TLN2: variants seen among roughly 807,000 people sequenced by gnomAD.
TLN2 encodes talin 2, also known as talin-2.
TLN2 carries 118 observed loss-of-function variants against 294.7 expected under a neutral mutation model. The observed-to-expected ratio is 0.40, with a 90% confidence interval of 0.34 to 0.47. The LOEUF is 0.47. TLN2 is among the 20% of genes least tolerant of loss of function. The pLI, the probability that TLN2 is intolerant of heterozygous loss-of-function variation, is 0.84. For missense variants in TLN2, 3,083 were observed against 3,282.2 expected, an observed-to-expected ratio of 0.94 and a Z score of 1.48; for synonymous variants, 1,431 against 1,304.5, an observed-to-expected ratio of 1.10 and a Z score of -2.09.
intron 1 of TLN2, among the ~76,000 whole-genome samples, chr15:62,504,999 C>CA (rs2039526666): frequency 1.3e-5 from 2 of 152,178 alleles, no homozygotes; most frequent in African/African-American, 4.8e-5. Flanking sequence ...CTCTGTTCCC[C>CA]AGGCTGGAGT....
chr15:62,765,744 A>T (rs1270240661), intron 40 of TLN2, among the ~76,000 whole-genome samples: 2 of 152,234 alleles, frequency 1.3e-5, no homozygotes, highest in Admixed American at 6.5e-5. Context: ...TCTCTCAAAC[A>T]TGAGAAGAAA....
chr15:62,501,257 T>A (rs2039291467), intron 1 of TLN2, among the ~76,000 whole-genome samples: 1 of 152,186 alleles, frequency 6.6e-6, no homozygotes, highest in South Asian at 2.1e-4. Flanking sequence ...GGGTCATCTT[T>A]TGGCATCAGG....
chr15:62,499,663 A>C (rs966615714), intron 1 of TLN2, among the ~76,000 whole-genome samples: 3 of 152,040 alleles, frequency 2.0e-5, no homozygotes, highest in African/African-American at 7.2e-5. Context: ...GTGCGATGGC[A>C]TGATCTTGGC....
intron 45 of TLN2, among the ~76,000 whole-genome samples, chr15:62,792,054 G>A (rs1214720282): frequency 6.6e-6 from 1 of 152,202 alleles, no homozygotes; most frequent in Non-Finnish European, 1.5e-5. Flanking sequence ...TGGCCTGATA[G>A]GAAGTCTGGG....
rs143499499 is a variant in TLN2, at chr15:62,795,254, G to A, written c.5884-873G>A. The stretch of plus-strand genomic sequence containing the variant: ...GGGCAGGAGTCGTTGCAGGCAGAGC[G>A]CAGACCCAGGGTGGAGAGGTGGGAG... On this transcript the variant is annotated intron_variant, in intron 46 of 58. Transcript: ENST00000636159. Among the ~76,000 whole-genome samples, 1,286 of 152,262 alleles carry A rather than the reference G, an allele frequency of 8.4e-3. 13 individuals carry two copies. The highest frequency in any genetic ancestry group is 0.029 in the African/African-American group (1,202 of 41,532).
intron 3 of TLN2, among the ~76,000 whole-genome samples, chr15:62,630,050 C>T (rs1187494962): frequency 1.3e-5 from 2 of 152,016 alleles, no homozygotes; most frequent in South Asian, 2.1e-4. Context: ...TCAGTTGTGT[C>T]GTGTATATAA....
At chr15:62,710,467 C>T (rs1461510037) in intron 21 of TLN2, among the ~76,000 whole-genome samples, 1 of 152,150 alleles carries the variant, frequency 6.6e-6, no homozygotes, top group Non-Finnish European at 1.5e-5. Context: ...AGGAATGCTT[C>T]ACACATTTGA....
At chr15:62,823,743 C>T (rs1425641750) in intron 54 of TLN2, among the ~76,000 whole-genome samples, 4 of 152,150 alleles carry the variant, frequency 2.6e-5, no homozygotes, top group East Asian at 1.9e-4. Context: ...AGACATGCAC[C>T]GTTGAATCTG....
chr15:62,421,876 C>G (rs887196948), intron 1 of TLN2, among the ~76,000 whole-genome samples: 2 of 151,414 alleles, frequency 1.3e-5, no homozygotes, highest in African/African-American at 4.9e-5. Flanking sequence ...CTGACTTAAG[C>G]AAGAAAAAAA....
intron 1 of TLN2, among the ~76,000 whole-genome samples, chr15:62,567,793 C>T (rs1432189510): frequency 2.0e-5 from 3 of 152,104 alleles, no homozygotes; most frequent in Non-Finnish European, 4.4e-5. Flanking sequence ...GAGCCAAGAT[C>T]ATGCTACTGT....
At chr15:62,764,691 A>G (rs889571441) in intron 40 of TLN2, among the ~76,000 whole-genome samples, 9 of 152,092 alleles carry the variant, frequency 5.9e-5, no homozygotes, top group Non-Finnish European at 1.2e-4. Flanking sequence ...CTGTGGCTCA[A>G]TCCAGTGCTA....
At chr15:62,652,727 T>C (rs894263742) in intron 6 of TLN2, among the ~76,000 whole-genome samples, 12 of 152,158 alleles carry the variant, frequency 7.9e-5, no homozygotes, top group African/African-American at 2.9e-4. Context: ...GAGAATTGAA[T>C]GTGACATAAG....
chr15:62,665,736 T>C (rs1413421849), intron 9 of TLN2, among the ~76,000 whole-genome samples: 1 of 152,246 alleles, frequency 6.6e-6, no homozygotes, highest in Non-Finnish European at 1.5e-5. Flanking sequence ...AAGCAAAGCT[T>C]TTGACCCAGT....
chr15:62,815,352 T>A (rs1328876834), intron 52 of TLN2, among the ~76,000 whole-genome samples: 1 of 152,150 alleles, frequency 6.6e-6, no homozygotes, highest in African/African-American at 2.4e-5. Flanking sequence ...TACCTGTAGA[T>A]CTTAGGGTAG....
At chr15:62,604,556 G>T (rs956084185) in intron 2 of TLN2, among the ~76,000 whole-genome samples, 4 of 150,064 alleles carry the variant, frequency 2.7e-5, no homozygotes, top group Admixed American at 2.7e-4. Flanking sequence ...AGAAAAGGGT[G>T]GGGGGCGATT....
At chr15:62,800,517 A>T (rs1374093316) in intron 49 of TLN2, 24 bp downstream of exon 49, 20 of 1,613,184 alleles carry the variant, frequency 1.2e-5, no homozygotes, top group Non-Finnish European at 1.6e-5. Context: ...CCGACTGGGG[A>T]TGAGCACCTG....
Position 62,635,543 on chromosome 15 carries a change from T to C in TLN2, c.-36-11732T>C, listed in dbSNP as rs182781909. ...AACTACATAAAATATGCATACATAT[T>C]GGAAGGAAATGTGTCCAAATGTTAG... On this transcript the variant is annotated intron_variant, in intron 3 of 58. Coordinates refer to ENST00000636159, the MANE Select transcript of TLN2 (RefSeq NM_015059.3). Among the ~76,000 whole-genome samples, 74 of 152,348 alleles carry C rather than the reference T, an allele frequency of 4.9e-4. 1 individual carries two copies. Among genetic ancestry groups the C allele is most frequent in the African/African-American group, 1.6e-3 (68 of 41,592 alleles).
chr15:62,442,002 G>T (rs1410980072), intron 1 of TLN2, among the ~76,000 whole-genome samples: 1 of 152,068 alleles, frequency 6.6e-6, no homozygotes, highest in Non-Finnish European at 1.5e-5. Flanking sequence ...AAGGGTAAAG[G>T]TAAGTGAAGT....
chr15:62,451,188 G>A (rs1160892019), intron 1 of TLN2, among the ~76,000 whole-genome samples: 1 of 152,132 alleles, frequency 6.6e-6, no homozygotes, highest in Non-Finnish European at 1.5e-5. Context: ...AGGGACCAGG[G>A]CACACTGATG....
Sources: gnomAD v4.1 joint callset for allele counts (sites outside exome capture counted in the v4.1 genomes callset) on GRCh38, gnomAD v4.1.1 for gene constraint, MANE v1.5 for transcripts, NCBI Gene and HGNC (gene_info 2026-07-23, HGNC 2026-07-21) for gene names.